ANKRD36: variants seen among roughly 807,000 people sequenced by gnomAD.
ANKRD36 encodes the protein ankyrin repeat domain 36, also known as ankyrin repeat domain-containing protein 36A.
In ANKRD36, 179 loss-of-function variants were observed where a neutral mutation model predicts 278.1. The observed-to-expected ratio is 0.64, with a 90% CI of 0.57 to 0.73. ANKRD36 has a LOEUF of 0.73. Ranked by LOEUF, ANKRD36 falls within the 30% of genes least tolerant of loss-of-function variation. The probability of loss-of-function intolerance (pLI) is 0.00; values close to 1 mark genes in which losing one functional copy is unlikely to be tolerated. For missense variants in ANKRD36, 1,159 were observed against 1,956.7 expected, an observed-to-expected ratio of 0.59 and a Z score of 7.69; for synonymous variants, 320 against 641.1, an observed-to-expected ratio of 0.50 and a Z score of 7.57.
At position 97,122,956 on chromosome 2, in the gene ANKRD36, A is replaced by G; in HGVS notation, c.556A>G (p.Lys186Glu). 1 of 1,544,454 alleles carries G rather than the reference A, an allele frequency of 6.5e-7. No homozygotes were observed. Among genetic ancestry groups the G allele is most frequent in the Non-Finnish European group, 8.8e-7 (1 of 1,142,538 alleles). Residue 186 changes from lysine (K) to glutamate (E), a missense_variant, in exon 4 of 76, where the codon AAA becomes GAA. Transcript: ENST00000420699. ...GAAAATGGTGGAATTTTTATTAAAG[A>G]AAAAAGCAAATGTAAATGCCATTGA... is the stretch of plus-strand genomic sequence containing the variant. ...KVKMVEFLLKKKANVNAIDYL... is the reference protein window; with the variant it reads ...KVKMVEFLLKEKANVNAIDYL...
At chr2:97,179,318 A>C (rs1007631933) in intron 22 of ANKRD36, among the ~76,000 whole-genome samples, 17 of 151,662 alleles carry the variant, frequency 1.1e-4, no homozygotes, top group Non-Finnish European at 1.5e-5. Context: ...GAATGTTTGC[A>C]GTAAAATGTT....
At chr2:97,167,947 G>T (rs2051244020) in intron 22 of ANKRD36, among the ~76,000 whole-genome samples, 180 bp downstream of exon 22, 1 of 152,174 alleles carries the variant, frequency 6.6e-6, no homozygotes, top group Admixed American at 6.6e-5. Context: ...ACAAGGAAAA[G>T]AAATTTTAAA....
At chr2:97,200,415 C>A in intron 45 of ANKRD36, 38 bp from the exon 46 acceptor site, 1 of 1,601,962 alleles carries the variant, frequency 6.2e-7, no homozygotes. Flanking sequence ...GCCTATGAAA[C>A]ATACCTTATT....
chr2:97,192,100 T>G (rs1016547920), intron 36 of ANKRD36, among the ~76,000 whole-genome samples: 1 of 151,748 alleles, frequency 6.6e-6, no homozygotes, highest in Non-Finnish European at 1.5e-5. Context: ...ATGTAAAACT[T>G]AATAATATCT....
Position 97,206,099 on chromosome 2 carries a change from G to A in ANKRD36, c.3127G>A (p.Ala1043Thr), listed in dbSNP as rs2062779995. 2 of 1,548,936 alleles carry A rather than the reference G, an allele frequency of 1.3e-6. No homozygotes were observed. Among genetic ancestry groups the A allele is most frequent in the South Asian group, 1.2e-5 (1 of 84,190 alleles). ...SDEEDSVLSI[A>T]RENKDGEKSR... Reference sequence around the variant, plus strand: ...TGAGGAAGATTCTGTTTTGAGTATAGCCAGAGAAAACAAGGATGGAGAAAA... The same window carrying A: ...TGAGGAAGATTCTGTTTTGAGTATAACCAGAGAAAACAAGGATGGAGAAAA... The change falls in exon 52 of 76, where the codon GCC becomes ACC. Residue 1043 changes from alanine (A) to threonine (T), a missense_variant. Transcript: ENST00000420699.
chr2:97,130,532 C>T (rs1486907143), intron 6 of ANKRD36, among the ~76,000 whole-genome samples: 2 of 150,950 alleles, frequency 1.3e-5, no homozygotes, highest in African/African-American at 4.9e-5. Flanking sequence ...ACCAACATGG[C>T]ACATGTATAC....
At chr2:97,170,016 T>G (rs1036182263) in intron 22 of ANKRD36, among the ~76,000 whole-genome samples, 6 of 152,016 alleles carry the variant, frequency 3.9e-5, no homozygotes, top group Non-Finnish European at 7.4e-5. Flanking sequence ...GCTACCTGAC[T>G]TCAAACTACA....
Position 97,179,942 on chromosome 2 carries a change from G to A in ANKRD36, c.1735+9G>A, listed in dbSNP as rs770637777. The A allele has an allele frequency of 1.9e-6, 3 of 1,604,420 alleles. No individual in the cohort carries two copies. The highest frequency in any genetic ancestry group is 2.5e-6 in the Non-Finnish European group (3 of 1,178,082). ...ACCAATATCTGGGACAGGTAATTTTGCAAAACACATCTAATGTCATGTTCA... is the reference window on the plus strand; with the variant it reads ...ACCAATATCTGGGACAGGTAATTTTACAAAACACATCTAATGTCATGTTCA... On this transcript the variant is annotated intron_variant, in intron 24 of 75. Coordinates refer to ENST00000420699, the MANE Select transcript of ANKRD36 (RefSeq NM_001354587.1).
intron 6 of ANKRD36, among the ~76,000 whole-genome samples, chr2:97,134,588 T>C (rs1346107718): frequency 2.0e-5 from 3 of 152,108 alleles, no homozygotes; most frequent in Non-Finnish European, 4.4e-5. Context: ...TCTATATTAT[T>C]ATAACATGAC....
At chr2:97,262,963 A>T (rs377141836) in intron 75 of ANKRD36, among the ~76,000 whole-genome samples, 30,394 of 135,928 alleles carry the variant, frequency 0.22, 6,162 homozygotes, top group African/African-American at 0.51. Context: ...GTCTCAGCTA[A>T]TTTTTTATAG....
intron 68 of ANKRD36, among the ~76,000 whole-genome samples, chr2:97,240,447 G>A (rs2074109742): frequency 7.3e-6 from 1 of 137,502 alleles, no homozygotes; most frequent in Non-Finnish European, 1.5e-5. Flanking sequence ...TACCCAAGAG[G>A]GAATCTCTGC....
chr2:97,230,504 C>T (rs1249940040), intron 67 of ANKRD36, among the ~76,000 whole-genome samples: 2 of 152,100 alleles, frequency 1.3e-5, no homozygotes, highest in Non-Finnish European at 1.5e-5. Flanking sequence ...CCTTTAAGCA[C>T]TTCTCTGTAT....
intron 48 of ANKRD36, among the ~76,000 whole-genome samples, chr2:97,203,061 T>C (rs1310379491): frequency 6.6e-6 from 1 of 151,830 alleles, no homozygotes; most frequent in Admixed American, 6.6e-5. Flanking sequence ...TTGTAACTAT[T>C]AGGCATCAGA....
chr2:97,144,636 T>C lies in ANKRD36; in HGVS notation c.931-4T>C. 1 of 1,545,246 alleles carries C rather than the reference T, an allele frequency of 6.5e-7. No individual in the cohort carries two copies. Among genetic ancestry groups the C allele is most frequent in the Non-Finnish European group, 8.7e-7 (1 of 1,148,630 alleles). ...TTGATTATTTTGTTTGAAATCCCAC[T>C]CAGGATACAAGTGACAAGGATGATT... On this transcript the variant is annotated splice_region_variant and splice_polypyrimidine_tract_variant and intron_variant, in intron 9 of 75. Coordinates refer to ENST00000420699, the MANE Select transcript of ANKRD36 (RefSeq NM_001354587.1).
intron 66 of ANKRD36, among the ~76,000 whole-genome samples, chr2:97,222,980 C>T (rs1298754463): frequency 1.3e-5 from 2 of 151,870 alleles, no homozygotes; most frequent in African/African-American, 4.8e-5. Flanking sequence ...AATAACAAAA[C>T]CAAAATAATC....
At chr2:97,222,872 T>A (rs532788139) in intron 66 of ANKRD36, among the ~76,000 whole-genome samples, 1,627 of 151,812 alleles carry the variant, frequency 0.011, 1 homozygote, top group African/African-American at 0.038. Flanking sequence ...CCTATTTTTT[T>A]AATAAGATCA....
chr2:97,229,930 G>A (rs1362263052), intron 67 of ANKRD36, among the ~76,000 whole-genome samples: 2 of 152,046 alleles, frequency 1.3e-5, no homozygotes, highest in African/African-American at 4.8e-5. Context: ...ATTCTGGGTT[G>A]AAAATTCTTT....
intron 44 of ANKRD36, 130 bp downstream of exon 44, chr2:97,198,788 C>G (rs1449168029): frequency 3.7e-6 from 4 of 1,085,172 alleles, no homozygotes; most frequent in Non-Finnish European, 5.2e-6. Flanking sequence ...TTCTTCATTT[C>G]AAATAAGTTC....
At chr2:97,256,388 A>C (rs1384599370) in intron 75 of ANKRD36, among the ~76,000 whole-genome samples, 3 of 152,200 alleles carry the variant, frequency 2.0e-5, no homozygotes, top group Non-Finnish European at 4.4e-5. Flanking sequence ...CAATTTCCTT[A>C]TTATTTATTA....
Sources: allele counts gnomAD v4.1 joint callset (sites outside exome capture counted in the v4.1 genomes callset), GRCh38; gene constraint gnomAD v4.1.1; transcripts MANE v1.5; gene names NCBI Gene and HGNC (gene_info 2026-07-23, HGNC 2026-07-21).